The following PTPRG variants were observed in gnomAD, a reference collection of about 807,000 sequenced individuals.
PTPRG encodes receptor-type tyrosine-protein phosphatase gamma.
PTPRG carries 102 observed loss-of-function variants against 165.3 expected under a neutral mutation model. That is an observed-to-expected ratio of 0.62 (90% CI 0.53 to 0.73). PTPRG has a LOEUF of 0.73. Ranked by LOEUF, PTPRG falls within the 30% of genes least tolerant of loss-of-function variation. The pLI is 0.00. For missense variants in PTPRG, 1,866 were observed against 1,861.4 expected (o/e 1.00, Z -0.05); for synonymous variants, 675 against 669.5 (o/e 1.01, Z -0.13).
chr3:61,952,605 G>T lies in PTPRG; in HGVS notation c.191-37020G>T, dbSNP rs935571903. ...CCTTATCACCTACTTCCTCCTTGAC[G>T]CCGGAGTTCTCAGGACACCTTAAAA... On this transcript the variant is annotated intron_variant, in intron 2 of 29. Transcript: ENST00000474889. Among the ~76,000 whole-genome samples, 6 of 152,010 alleles carry T rather than the reference G, an allele frequency of 3.9e-5. 1 individual carries two copies. The highest frequency in any genetic ancestry group is 3.9e-4 in the East Asian group (2 of 5,188).
chr3:61,578,791 C>A (rs1411389924), intron 1 of PTPRG, among the ~76,000 whole-genome samples: 3 of 152,162 alleles, frequency 2.0e-5, no homozygotes, highest in Non-Finnish European at 4.4e-5. Flanking sequence ...GATGCAAAGG[C>A]ACAGCTGGGA....
chr3:61,958,877 C>T (rs931680007), intron 2 of PTPRG, among the ~76,000 whole-genome samples: 2 of 152,148 alleles, frequency 1.3e-5, no homozygotes, highest in African/African-American at 4.8e-5. Context: ...TTACTTTAGG[C>T]AAAGGCAGGA....
chr3:62,234,999 A>C (rs560936661), intron 14 of PTPRG, among the ~76,000 whole-genome samples: 1 of 151,854 alleles, frequency 6.6e-6, no homozygotes, highest in Non-Finnish European at 1.5e-5. Context: ...CTTAGTGAAG[A>C]GGCATATAAT....
At chr3:61,625,862 T>TA (rs1226756693) in intron 1 of PTPRG, among the ~76,000 whole-genome samples, 2 of 152,214 alleles carry the variant, frequency 1.3e-5, no homozygotes, top group African/African-American at 4.8e-5. Flanking sequence ...TTGCAGAACT[T>TA]ACTCCATTTA....
intron 2 of PTPRG, among the ~76,000 whole-genome samples, chr3:61,825,205 A>G (rs193120373): frequency 2.0e-3 from 312 of 152,376 alleles, no homozygotes; most frequent in Middle Eastern, 0.01. Flanking sequence ...GTAATTCTGC[A>G]CATTCATGTG....
rs371016927 is a variant in PTPRG at position 62,132,637 on chromosome 3, T to C, written c.651T>C (p.Ile217=). The change falls in exon 6 of 30, where the codon ATT becomes ATC. Residue 217 remains isoleucine, a synonymous_variant. Transcript: ENST00000474889. ...SPRDNSALDP[I]IHGLKGVVHH... ...GGGACAATTCTGCACTGGATCCTATTATCCACGGGTTGAAGGGTGTCGTAC... is the reference window on the plus strand; with the variant it reads ...GGGACAATTCTGCACTGGATCCTATCATCCACGGGTTGAAGGGTGTCGTAC... The C allele has an allele frequency of 1.2e-6, 2 of 1,612,286 alleles. No individual in the cohort carries two copies. The highest frequency in any genetic ancestry group is 1.3e-5 in the African/African-American group (1 of 74,872).
At chr3:61,866,640 A>G (rs975822824) in intron 2 of PTPRG, among the ~76,000 whole-genome samples, 2 of 114,046 alleles carry the variant, frequency 1.8e-5, no homozygotes, top group African/African-American at 3.3e-5. Context: ...TTGGTCTGTC[A>G]CCAGGCTGGA....
At chr3:61,742,762 A>G in intron 1 of PTPRG, 2 of 1,611,680 alleles carry the variant, frequency 1.2e-6, no homozygotes, top group South Asian at 2.2e-5. Flanking sequence ...CTGCTTGATC[A>G]GAGACTCTGA....
At chr3:61,682,265 T>A (rs930459528) in intron 1 of PTPRG, among the ~76,000 whole-genome samples, 1 of 152,158 alleles carries the variant, frequency 6.6e-6, no homozygotes, top group African/African-American at 2.4e-5. Flanking sequence ...ATTCTCTGAA[T>A]TTGATAATTC....
intron 2 of PTPRG, among the ~76,000 whole-genome samples, chr3:61,829,692 G>T (rs2036217387): frequency 6.6e-6 from 1 of 152,164 alleles, no homozygotes; most frequent in African/African-American, 2.4e-5. Flanking sequence ...ACTCTTGCAG[G>T]ATTTTTTGTT....
chr3:61,788,341 T>C (rs866605546), intron 2 of PTPRG, among the ~76,000 whole-genome samples: 2 of 152,212 alleles, frequency 1.3e-5, no homozygotes, highest in African/African-American at 4.8e-5. Context: ...TATCAAAATA[T>C]TAAAATTTGT....
chr3:61,679,197 C>T (rs1358109497), intron 1 of PTPRG, among the ~76,000 whole-genome samples: 1 of 152,154 alleles, frequency 6.6e-6, no homozygotes, highest in Non-Finnish European at 1.5e-5. Context: ...TTATATGACT[C>T]CAAAGCTTGA....
At chr3:61,928,238 G>T (rs996703116) in intron 2 of PTPRG, among the ~76,000 whole-genome samples, 1 of 152,068 alleles carries the variant, frequency 6.6e-6, no homozygotes, top group Non-Finnish European at 1.5e-5. Flanking sequence ...CTTATGAGTT[G>T]GGAACATGCC....
chr3:61,751,568 C>G (rs568727139), intron 2 of PTPRG, among the ~76,000 whole-genome samples: 1 of 152,034 alleles, frequency 6.6e-6, no homozygotes, highest in Non-Finnish European at 1.5e-5. Context: ...TATAGACAAA[C>G]CATAGTTCAA....
chr3:62,158,337 A>G (rs1480404009), intron 7 of PTPRG, among the ~76,000 whole-genome samples: 1 of 152,244 alleles, frequency 6.6e-6, no homozygotes, highest in Non-Finnish European at 1.5e-5. Context: ...AAATAGAGCC[A>G]GGAACGATGG....
At chr3:61,627,360 G>T (rs1051264860) in intron 1 of PTPRG, among the ~76,000 whole-genome samples, 5 of 152,070 alleles carry the variant, frequency 3.3e-5, no homozygotes, top group African/African-American at 1.2e-4. Flanking sequence ...AATTGTTGAG[G>T]GTAAGGGAAT....
Position 62,189,065 on chromosome 3 carries a change from C to T in PTPRG, c.1034-2404C>T, listed in dbSNP as rs139419474. On this transcript the variant is annotated intron_variant, in intron 8 of 29. Coordinates refer to ENST00000474889, the MANE Select transcript of PTPRG (RefSeq NM_002841.4). ...TTCTGTCACTCCGCCCTCATGTCTC[C>T]GTGGAAGCCTCCCTTCAGATTCTTT... 5.8e-4 allele frequency among the ~76,000 whole-genome samples: 88 copies of T among 152,242 alleles called. 1 individual carries two copies. The highest frequency in any genetic ancestry group is 3.4e-3 in the Middle Eastern group (1 of 294).
rs570205013 is a variant in PTPRG, at chr3:62,128,425, T to C, written c.616-4177T>C. The stretch of plus-strand genomic sequence containing the variant: ...GTCAAGTAAAACATAAATTTGGATC[T>C]TTTGAAATTTGAACTCAGGGAGATA... On this transcript the variant is annotated intron_variant, in intron 5 of 29. Transcript: ENST00000474889. Among the ~76,000 whole-genome samples the C allele has an allele frequency of 7.4e-4, 113 of 152,264 alleles. 1 individual carries two copies. The highest frequency in any genetic ancestry group is 1.4e-3 in the Non-Finnish European group (93 of 68,020).
At chr3:61,615,738 C>G (rs762947347) in intron 1 of PTPRG, among the ~76,000 whole-genome samples, 54 of 152,188 alleles carry the variant, frequency 3.5e-4, no homozygotes, top group Non-Finnish European at 2.9e-4. Flanking sequence ...ATGCTCAGAT[C>G]TCTCCACATT....
Sources: allele counts gnomAD v4.1 joint callset (sites outside exome capture counted in the v4.1 genomes callset), GRCh38; gene constraint gnomAD v4.1.1; transcripts MANE v1.5; gene names NCBI Gene and HGNC (gene_info 2026-07-23, HGNC 2026-07-21).